The following PRKG1 variants were observed in gnomAD, a reference collection of about 807,000 sequenced individuals.
The protein encoded by PRKG1 is cGMP-dependent protein kinase 1.
In PRKG1, 35 loss-of-function variants were observed where a neutral mutation model predicts 88.1. That is an observed-to-expected ratio of 0.40 (90% CI 0.30 to 0.53). PRKG1 has a LOEUF of 0.53. PRKG1 is among the 20% of genes least tolerant of loss of function. The pLI is 0.59. For synonymous variants in PRKG1, 303 were observed against 292.5 expected (o/e 1.04, Z -0.37); for missense variants, 540 against 839.8 (o/e 0.64, Z 4.41).
At chr10:51,573,967 G>A (rs1837821326) in intron 3 of PRKG1, among the ~76,000 whole-genome samples, 2 of 151,894 alleles carry the variant, frequency 1.3e-5, no homozygotes, top group African/African-American at 4.8e-5. Context: ...GCACTTAGCA[G>A]CTTACCACAA....
intron 3 of PRKG1, among the ~76,000 whole-genome samples, chr10:51,559,155 C>T (rs1481853786): frequency 1.3e-5 from 2 of 152,026 alleles, no homozygotes; most frequent in African/African-American, 4.8e-5. Context: ...CAGGCATCCA[C>T]TGAGGGTATT....
intron 2 of PRKG1, among the ~76,000 whole-genome samples, chr10:51,212,938 C>T (rs564293438): frequency 2.5e-4 from 38 of 152,150 alleles, no homozygotes; most frequent in Non-Finnish European, 5.4e-4. Context: ...CTAGAAATAC[C>T]ATTTGACCCA....
chr10:51,852,375 T>TAGAGAG (rs144635661), intron 4 of PRKG1, among the ~76,000 whole-genome samples: 2 of 143,872 alleles, frequency 1.4e-5, no homozygotes, highest in African/African-American at 5.1e-5. Flanking sequence ...CACACACACA[T>TAGAGAG]AGAGAGAGAG....
intron 5 of PRKG1, among the ~76,000 whole-genome samples, chr10:51,991,065 A>C (rs899128368): frequency 1.3e-5 from 2 of 152,138 alleles, no homozygotes; most frequent in African/African-American, 4.8e-5. Flanking sequence ...TCCTTGGTTA[A>C]ATTCATTTCT....
chr10:51,853,167 A>C (rs1290770838), intron 4 of PRKG1, among the ~76,000 whole-genome samples: 1 of 152,168 alleles, frequency 6.6e-6, no homozygotes, highest in Non-Finnish European at 1.5e-5. Flanking sequence ...TGTTCTTTCT[A>C]ATACATCACC....
intron 3 of PRKG1, among the ~76,000 whole-genome samples, chr10:51,502,900 A>G (rs1841073481): frequency 6.6e-6 from 1 of 152,162 alleles, no homozygotes; most frequent in South Asian, 2.1e-4. Flanking sequence ...AATCAGCTGT[A>G]AGGCTATATA....
chr10:51,921,746 A>G (rs1365125258), intron 5 of PRKG1, among the ~76,000 whole-genome samples: 3 of 152,048 alleles, frequency 2.0e-5, no homozygotes, highest in African/African-American at 7.2e-5. Flanking sequence ...CAAGACTTGC[A>G]CACTTGGAAT....
chr10:51,165,016 G>A (rs1319600986), intron 2 of PRKG1, among the ~76,000 whole-genome samples: 1 of 152,150 alleles, frequency 6.6e-6, no homozygotes, highest in East Asian at 1.9e-4. Flanking sequence ...TAGCAAGGCA[G>A]GCCAACATTC....
At chr10:52,270,333 C>G (rs1841686762) in intron 10 of PRKG1, among the ~76,000 whole-genome samples, 1 of 152,026 alleles carries the variant, frequency 6.6e-6, no homozygotes, top group Non-Finnish European at 1.5e-5. Context: ...AGATCTAGAA[C>G]TAGAAATACC....
At chr10:51,748,459 C>T (rs1837636040) in intron 3 of PRKG1, among the ~76,000 whole-genome samples, 1 of 152,078 alleles carries the variant, frequency 6.6e-6, no homozygotes, top group Non-Finnish European at 1.5e-5. Context: ...TAAAAGGCAT[C>T]CTAAGGCAAT....
chr10:51,009,998 G>T (rs1842975950), intron 1 of PRKG1, among the ~76,000 whole-genome samples: 3 of 152,146 alleles, frequency 2.0e-5, no homozygotes, highest in African/African-American at 7.2e-5. Flanking sequence ...AATTCAAATG[G>T]TTATTTCATT....
At chr10:51,940,259 C>T (rs190477076) in intron 5 of PRKG1, among the ~76,000 whole-genome samples, 1 of 151,740 alleles carries the variant, frequency 6.6e-6, no homozygotes, top group Admixed American at 6.6e-5. Context: ...CAGGAAAACC[C>T]TTCTCTTATT....
chr10:52,293,466 C>A (rs1417043999), intron 17 of PRKG1, among the ~76,000 whole-genome samples: 1 of 152,104 alleles, frequency 6.6e-6, no homozygotes, highest in Non-Finnish European at 1.5e-5. Flanking sequence ...CAATCCTGAG[C>A]CAAAGAACAA....
At chr10:52,082,734 C>T (rs1846809982) in intron 7 of PRKG1, among the ~76,000 whole-genome samples, 1 of 152,060 alleles carries the variant, frequency 6.6e-6, no homozygotes, top group Admixed American at 6.6e-5. Context: ...GCCCATTTAT[C>T]CAAAACACTT....
At chr10:51,646,186 T>C (rs1446916169) in intron 3 of PRKG1, among the ~76,000 whole-genome samples, 1 of 152,210 alleles carries the variant, frequency 6.6e-6, no homozygotes, top group African/African-American at 2.4e-5. Flanking sequence ...ATACATGGGC[T>C]GTGGAGCAAG....
At chr10:52,063,912 T>C (rs1391658060) in intron 7 of PRKG1, among the ~76,000 whole-genome samples, 1 of 152,174 alleles carries the variant, frequency 6.6e-6, no homozygotes, top group African/African-American at 2.4e-5. Flanking sequence ...TGCTCTGCTC[T>C]GGTTAAGCCT....
At chr10:51,107,678 G>C (rs1448085331) in intron 1 of PRKG1, among the ~76,000 whole-genome samples, 1 of 151,646 alleles carries the variant, frequency 6.6e-6, no homozygotes, top group African/African-American at 2.4e-5. Flanking sequence ...TGAAAATATA[G>C]CTGGGCATGA....
intron 4 of PRKG1, among the ~76,000 whole-genome samples, chr10:51,873,848 G>A (rs890585596): frequency 3.3e-5 from 5 of 152,130 alleles, no homozygotes; most frequent in Non-Finnish European, 1.5e-5. Flanking sequence ...AATTTTTATA[G>A]CCAAAACATT....
At chr10:51,185,367 G>A (rs182863758) in intron 2 of PRKG1, among the ~76,000 whole-genome samples, 36 of 152,034 alleles carry the variant, frequency 2.4e-4, no homozygotes, top group African/African-American at 6.0e-4. Context: ...ACACAATGCC[G>A]TTCTATTTAT....
Sources: allele counts gnomAD v4.1 joint callset (sites outside exome capture counted in the v4.1 genomes callset), GRCh38; gene constraint gnomAD v4.1.1; transcripts MANE v1.5; gene names NCBI Gene and HGNC (gene_info 2026-07-23, HGNC 2026-07-21).